The following CENPU variants were observed in gnomAD, a reference collection of about 807,000 sequenced individuals.
CENPU encodes centromere protein U.
A neutral mutation model predicts 56.7 loss-of-function variants in CENPU; 46 were observed. The ratio of observed to expected loss-of-function variants is 0.81; its 90% CI spans 0.64 to 1.04. The LOEUF (loss-of-function observed/expected upper bound fraction) is 1.04, where lower values mean the gene tolerates loss of function less well. Among genes scored for constraint, CENPU ranks in the 50% least tolerant of loss-of-function variants. CENPU has a pLI of 0.00. For missense variants in CENPU, 510 were observed against 490.1 expected, an observed-to-expected ratio of 1.04 and a Z score of -0.38; for synonymous variants, 166 against 163.0, an observed-to-expected ratio of 1.02 and a Z score of -0.14.
At chr4:184,713,880 T>C (rs1404211968) in intron 6 of CENPU, 1 of 152,266 alleles carries the variant, frequency 6.6e-6, no homozygotes, top group Non-Finnish European at 1.5e-5. Context: ...TGGAATAAGC[T>C]GCTCAGGAGA....
At chr4:184,718,130 G>A (rs1284828879) in intron 4 of CENPU, among the ~76,000 whole-genome samples, 3 of 152,190 alleles carry the variant, frequency 2.0e-5, no homozygotes, top group Admixed American at 6.5e-5. Flanking sequence ...CCACTGCAGC[G>A]CCTTCTGGAT....
chr4:184,695,550 G>A, intron 12 of CENPU, 149 bp from the exon 13 acceptor site: 1 of 556,866 alleles, frequency 1.8e-6, no homozygotes, highest in Non-Finnish European at 3.2e-6. Flanking sequence ...TAAGACAATT[G>A]GTTTTAATCC....
At chr4:184,696,607 ATTAAT>A (rs1436790290) in intron 12 of CENPU, among the ~76,000 whole-genome samples, 1 of 152,106 alleles carries the variant, frequency 6.6e-6, no homozygotes, top group Non-Finnish European at 1.5e-5. Context: ...GCTCAGGAAA[ATTAAT>A]TTAGATCAGT....
At chr4:184,697,973 T>G (rs945173776) in intron 11 of CENPU, 170 bp from the exon 12 acceptor site, 3 of 554,802 alleles carry the variant, frequency 5.4e-6, no homozygotes, top group Non-Finnish European at 9.4e-6. Context: ...GTTTAAAATG[T>G]AGGAAAAAAA....
intron 11 of CENPU, among the ~76,000 whole-genome samples, chr4:184,699,859 G>A (rs1017919457): frequency 2.6e-5 from 4 of 152,130 alleles, no homozygotes; most frequent in African/African-American, 9.7e-5. Context: ...GTTTCACTAT[G>A]TTGGCCAAGC....
At chr4:184,713,823 C>A (rs1445631968) in intron 6 of CENPU, 1 of 152,206 alleles carries the variant, frequency 6.6e-6, no homozygotes, top group African/African-American at 2.4e-5. Context: ...GTATAGTGAG[C>A]TGAAGTCTAA....
intron 6 of CENPU, among the ~76,000 whole-genome samples, chr4:184,714,757 C>G (rs752251551): frequency 6.6e-6 from 1 of 152,000 alleles, no homozygotes; most frequent in African/African-American, 2.4e-5. Context: ...AAAATAGGAG[C>G]AAATGGAAAA....
intron 11 of CENPU, chr4:184,699,563 T>C (rs918862466): frequency 1.6e-6 from 2 of 1,288,910 alleles, no homozygotes; most frequent in Non-Finnish European, 2.0e-6. Flanking sequence ...TTGGCCTGGG[T>C]CAGTGAAAAC....
chr4:184,734,038 G>C lies in CENPU; in HGVS notation c.25C>G (p.Pro9Ala), dbSNP rs876839. Residue 9 changes from proline to alanine, a missense_variant, in exon 1 of 13, where the codon CCG becomes GCG. Coordinates refer to ENST00000281453, the MANE Select transcript of CENPU (RefSeq NM_024629.4). MAPRGRRR[P>A]RPHRSEGARR... is the part of the protein sequence containing the mutation. ...TACCCCTCAGACCTGTGAGGCCGCG[G>C]CCGCCGCCGCCCCCGCGGGGCCATG... 0.087 allele frequency: 136,542 copies of C among 1,577,862 alleles called. 6,857 individuals are homozygous for C. The highest frequency in any genetic ancestry group is 0.21 in the African/African-American group (15,251 of 74,310).
intron 12 of CENPU, among the ~76,000 whole-genome samples, chr4:184,696,797 C>G (rs1186341145): frequency 6.6e-6 from 1 of 151,778 alleles, no homozygotes; most frequent in African/African-American, 2.4e-5. Flanking sequence ...GTAGCAAAGT[C>G]TGCAGTAAAA....
intron 1 of CENPU, among the ~76,000 whole-genome samples, chr4:184,731,883 C>CTGTGTGTGTGGG (rs1554013212): frequency 6.8e-6 from 1 of 146,640 alleles, no homozygotes; most frequent in East Asian, 2.0e-4. Context: ...CTCATGTGCT[C>CTGTGTGTGTGGG]TGTGTGTGTG....
intron 10 of CENPU, among the ~76,000 whole-genome samples, chr4:184,701,625 A>G (rs4241794): frequency 1 from 152,090 of 152,250 alleles, 75,966 homozygotes; most frequent in Non-Finnish European, 1. Flanking sequence ...AAGCAGCAGA[A>G]CCAGGACTAG....
At chr4:184,704,086 C>G (rs1034013892) in intron 8 of CENPU, among the ~76,000 whole-genome samples, 17 of 147,318 alleles carry the variant, frequency 1.2e-4, no homozygotes, top group African/African-American at 3.7e-4. Context: ...CATACTTCAT[C>G]TTTTTTTTTT....
At chr4:184,708,898 G>C (rs1008313661) in intron 8 of CENPU, among the ~76,000 whole-genome samples, 1 of 152,016 alleles carries the variant, frequency 6.6e-6, no homozygotes, top group Admixed American at 6.6e-5. Flanking sequence ...TAAAAACAGA[G>C]ACAGACACAC....
At chr4:184,723,857 A>T (rs770361918) in intron 4 of CENPU, among the ~76,000 whole-genome samples, 5,329 of 151,002 alleles carry the variant, frequency 0.035, 146 homozygotes, top group Non-Finnish European at 0.052. Flanking sequence ...AAAAAAAAAA[A>T]AAAAAAAAAT....
chr4:184,697,714 G>C lies in CENPU; in HGVS notation c.1076C>G (p.Ser359Cys). The change falls in exon 12 of 13, where the codon TCT becomes TGT. Residue 359 changes from serine to cysteine, a missense_variant. Coordinates refer to ENST00000281453, the MANE Select transcript of CENPU (RefSeq NM_024629.4). Reference sequence around the variant, plus strand: ...ATCTTGATAAAGCTGTTTTAAATTAGATAAGAAATATGCTGCATTCCTAAG... The same window carrying C: ...ATCTTGATAAAGCTGTTTTAAATTACATAAGAAATATGCTGCATTCCTAAG... ...SSLRNAAYFL[S>C]NLKQLYQDYS... The C allele has an allele frequency of 6.2e-7, 1 of 1,612,358 alleles. No individual in the cohort carries two copies. The highest frequency in any genetic ancestry group is 8.5e-7 in the Non-Finnish European group (1 of 1,178,806).
intron 8 of CENPU, among the ~76,000 whole-genome samples, chr4:184,705,527 T>C (rs1760696984): frequency 6.6e-6 from 1 of 152,112 alleles, no homozygotes; most frequent in Admixed American, 6.6e-5. Context: ...CCCTATATTA[T>C]TCCTTACAAC....
chr4:184,699,485 T>C (rs1402511425), intron 11 of CENPU: 8 of 1,036,018 alleles, frequency 7.7e-6, no homozygotes, highest in Non-Finnish European at 1.1e-5. Flanking sequence ...TTTAGGAAAG[T>C]GCCCTGCCAC....
At chr4:184,706,196 C>A (rs1376856950) in intron 8 of CENPU, among the ~76,000 whole-genome samples, 1 of 152,088 alleles carries the variant, frequency 6.6e-6, no homozygotes, top group African/African-American at 2.4e-5. Context: ...TCATTATTTT[C>A]AGATGTTAAA....
Sources: allele counts gnomAD v4.1 joint callset (sites outside exome capture counted in the v4.1 genomes callset), GRCh38; gene constraint gnomAD v4.1.1; transcripts MANE v1.5; gene names NCBI Gene and HGNC (gene_info 2026-07-23, HGNC 2026-07-21).